The following AFG2A variants were observed in gnomAD, a reference collection of about 807,000 sequenced individuals.
AFG2A encodes ATPase family gene 2 protein homolog A.
the AFG2A span, among the ~76,000 whole-genome samples, chr4:123,191,361 CTTT>C: frequency 6.3e-5 from 9 of 142,802 alleles, no homozygotes; most frequent in African/African-American, 1.5e-4. Flanking sequence ...ACTCTGGACT[CTTT>C]TTTTTTTTTT....
the AFG2A span, among the ~76,000 whole-genome samples, chr4:123,205,336 A>G: frequency 2.6e-5 from 4 of 152,084 alleles, no homozygotes; most frequent in African/African-American, 9.7e-5. Flanking sequence ...ACCTGGCAAT[A>G]TTGTCTTATA....
the AFG2A span, among the ~76,000 whole-genome samples, chr4:123,248,755 T>A: frequency 3.3e-5 from 5 of 152,280 alleles, no homozygotes; most frequent in South Asian, 1.0e-3. Context: ...GAATCTGTAT[T>A]TTGACTTGAC....
the AFG2A span, among the ~76,000 whole-genome samples, chr4:123,190,386 A>G: frequency 6.6e-6 from 1 of 152,212 alleles, no homozygotes; most frequent in Non-Finnish European, 1.5e-5. Flanking sequence ...TTAATGATCA[A>G]GGCAAAAAAT....
chr4:123,282,164 A>T, the AFG2A span, among the ~76,000 whole-genome samples: 1 of 152,154 alleles, frequency 6.6e-6, no homozygotes, highest in Non-Finnish European at 1.5e-5. Context: ...GCCCAGTTTT[A>T]CTGTGAACCT....
At chr4:123,282,073 A>C in the AFG2A span, among the ~76,000 whole-genome samples, 2 of 152,070 alleles carry the variant, frequency 1.3e-5, no homozygotes, top group African/African-American at 4.8e-5. Context: ...CAAATGTACC[A>C]CTCTGATGTG....
chr4:122,950,325 C>A, the AFG2A span, among the ~76,000 whole-genome samples: 8 of 149,986 alleles, frequency 5.3e-5, no homozygotes, highest in Non-Finnish European at 3.0e-5. Flanking sequence ...AAAGTACGAG[C>A]CCTAGTCATT....
At chr4:123,034,571 G>GA in the AFG2A span, among the ~76,000 whole-genome samples, 2,154 of 135,022 alleles carry the variant, frequency 0.016, 67 homozygotes, top group African/African-American at 0.051. Context: ...ATGCTGGAAT[G>GA]AAAAAAAAAA....
At chr4:123,050,090 C>T in the AFG2A span, among the ~76,000 whole-genome samples, 2 of 151,956 alleles carry the variant, frequency 1.3e-5, no homozygotes, top group East Asian at 1.9e-4. Context: ...ATGAACTGTA[C>T]AGAAACTGTA....
the AFG2A span, among the ~76,000 whole-genome samples, chr4:123,225,824 T>C: frequency 0.023 from 3,539 of 152,286 alleles, 71 homozygotes; most frequent in African/African-American, 0.055. Flanking sequence ...TTCACGATAT[T>C]GATTCTTCCT....
the AFG2A span, among the ~76,000 whole-genome samples, chr4:123,308,996 GTCC>G: frequency 6.6e-6 from 1 of 152,126 alleles, no homozygotes; most frequent in South Asian, 2.1e-4. Context: ...TTGTGTTTCT[GTCC>G]TCCACCCGCT....
chr4:123,075,423 C>T, the AFG2A span, among the ~76,000 whole-genome samples: 2 of 151,804 alleles, frequency 1.3e-5, no homozygotes, highest in East Asian at 2.0e-4. Context: ...CTCAGCCTCT[C>T]GAGTAGCTGG....
the AFG2A span, chr4:123,314,796 C>T: frequency 1.3e-5 from 2 of 150,208 alleles, no homozygotes; most frequent in Non-Finnish European, 3.0e-5. Flanking sequence ...CACTCTGTCA[C>T]CTAAGCTGGA....
chr4:123,135,094 T>C, the AFG2A span, among the ~76,000 whole-genome samples: 1 of 152,174 alleles, frequency 6.6e-6, no homozygotes, highest in African/African-American at 2.4e-5. Flanking sequence ...GGAATGTAGA[T>C]TGCTTCAACA....
the AFG2A span, among the ~76,000 whole-genome samples, chr4:122,970,679 C>CT: frequency 1.3e-5 from 2 of 151,242 alleles, no homozygotes; most frequent in South Asian, 4.2e-4. Context: ...AAGCAATAGG[C>CT]TATACCATAT....
the AFG2A span, among the ~76,000 whole-genome samples, chr4:123,080,341 A>G: frequency 6.6e-6 from 1 of 152,228 alleles, no homozygotes; most frequent in African/African-American, 2.4e-5. Context: ...CTGCAAGCCA[A>G]TAAGAGAACT....
chr4:123,020,029 G>C, the AFG2A span, among the ~76,000 whole-genome samples: 7 of 152,098 alleles, frequency 4.6e-5, no homozygotes, highest in Non-Finnish European at 8.8e-5. Flanking sequence ...TGACAACGTT[G>C]GGCACCCATC....
At chr4:123,264,400 A>C in the AFG2A span, among the ~76,000 whole-genome samples, 1 of 152,308 alleles carries the variant, frequency 6.6e-6, no homozygotes, top group South Asian at 2.1e-4. Context: ...TTTTGTGCAA[A>C]CTTTAACCTG....
the AFG2A span, among the ~76,000 whole-genome samples, chr4:123,095,809 A>G: frequency 6.6e-6 from 1 of 152,096 alleles, no homozygotes; most frequent in South Asian, 2.1e-4. Flanking sequence ...TAGCTAGCAT[A>G]TTTTACAATC....
At chr4:123,035,122 G>GCTATAACACACACCTTT in the AFG2A span, among the ~76,000 whole-genome samples, 2 of 152,180 alleles carry the variant, frequency 1.3e-5, no homozygotes, top group Non-Finnish European at 2.9e-5. Context: ...AGCCTATAAA[G>GCTATAACACACACCTTT]GTGTGTGTTA....
Sources: allele counts gnomAD v4.1 joint callset (sites outside exome capture counted in the v4.1 genomes callset), GRCh38; gene constraint gnomAD v4.1.1; transcripts MANE v1.5; gene names NCBI Gene and HGNC (gene_info 2026-07-23, HGNC 2026-07-21).